The following THBS4 variants were observed in gnomAD, a reference collection of about 807,000 sequenced individuals.
The protein encoded by THBS4 is thrombospondin-4.
A neutral mutation model predicts 115.7 loss-of-function variants in THBS4; 90 were observed. The ratio of observed to expected loss-of-function variants is 0.78; its 90% CI spans 0.66 to 0.93. THBS4 has a LOEUF of 0.93. Among genes scored for constraint, THBS4 ranks in the 40% least tolerant of loss-of-function variants. The pLI is 0.00. For synonymous variants in THBS4, 460 were observed against 479.3 expected (o/e 0.96, Z 0.53); for missense variants, 1,087 against 1,232.7 (o/e 0.88, Z 1.77).
chr5:80,054,289 G>T (rs1332625975), intron 2 of THBS4, among the ~76,000 whole-genome samples: 1 of 148,438 alleles, frequency 6.7e-6, no homozygotes, highest in African/African-American at 2.5e-5. Context: ...AAGTAGCTGG[G>T]ACTACAAGTA....
chr5:80,044,778 A>G (rs1233295433), intron 2 of THBS4, among the ~76,000 whole-genome samples: 1 of 151,970 alleles, frequency 6.6e-6, no homozygotes, highest in Non-Finnish European at 1.5e-5. Flanking sequence ...TTGGAATAGG[A>G]TGTAAGAGGA....
chr5:80,072,955 A>G (rs1834123648), intron 14 of THBS4, among the ~76,000 whole-genome samples: 1 of 152,154 alleles, frequency 6.6e-6, no homozygotes, highest in African/African-American at 2.4e-5. Context: ...CCTTCTCCCC[A>G]TGCCTATGGC....
At chr5:80,073,244 G>A (rs933435681) in intron 14 of THBS4, 31 bp from the exon 15 acceptor site, 6 of 1,611,408 alleles carry the variant, frequency 3.7e-6, no homozygotes, top group Non-Finnish European at 4.2e-6. Context: ...GCAGGCCCAG[G>A]AATAAATAAC....
rs1357645628 is a variant in THBS4 at position 80,076,969 on chromosome 5, T to C, written c.2007T>C (p.Asn669=). The C allele has an allele frequency of 6.2e-7, 1 of 1,613,682 alleles. No individual in the cohort carries two copies. The highest frequency in any genetic ancestry group is 1.1e-5 in the South Asian group (1 of 91,022). Reference sequence around the variant, plus strand: ...ACGAGTGTGATGATGATGATGACAATGATGGTATCCCAGACCTGGTGCCCC... The same window carrying C: ...ACGAGTGTGATGATGATGATGACAACGATGGTATCCCAGACCTGGTGCCCC... ...IGDECDDDDD[N]DGIPDLVPPG... Residue 669 remains asparagine, a synonymous_variant, in exon 16 of 22, where the codon AAT becomes AAC. Transcript: ENST00000350881.
intron 2 of THBS4, among the ~76,000 whole-genome samples, chr5:80,012,042 A>C (rs1424873227): frequency 6.6e-6 from 1 of 152,136 alleles, no homozygotes; most frequent in Non-Finnish European, 1.5e-5. Flanking sequence ...CCTGAATGAC[A>C]GAATATTCTG....
chr5:80,063,403 TTA>T (rs987890461), intron 8 of THBS4, among the ~76,000 whole-genome samples: 6 of 152,268 alleles, frequency 3.9e-5, no homozygotes, highest in African/African-American at 1.4e-4. Flanking sequence ...ATAAATTTGT[TTA>T]AGTTAAGTTC....
upstream of THBS4, chr5:80,033,281 G>T (rs1832620479): frequency 1.1e-5 from 4 of 350,162 alleles, no homozygotes; most frequent in Admixed American, 1.3e-4. Flanking sequence ...ACCTCCAGCA[G>T]CACGTGGTGC....
At chr5:80,043,594 G>A (rs1418764745) in intron 2 of THBS4, among the ~76,000 whole-genome samples, 2 of 152,132 alleles carry the variant, frequency 1.3e-5, no homozygotes, top group African/African-American at 4.8e-5. Flanking sequence ...TTAAAGTCCA[G>A]GACTGGGAGA....
At chr5:80,024,966 A>C (rs1045038612) in intron 2 of THBS4, among the ~76,000 whole-genome samples, 8 of 152,150 alleles carry the variant, frequency 5.3e-5, no homozygotes, top group African/African-American at 1.7e-4. Context: ...AGGTTGTTCA[A>C]TCTCCCTGAC....
chr5:80,000,874 A>G (rs1831885110), intron 2 of THBS4, among the ~76,000 whole-genome samples: 1 of 152,182 alleles, frequency 6.6e-6, no homozygotes, highest in Admixed American at 6.5e-5. Context: ...CCTGAGGCCA[A>G]AGAAAACATT....
intron 2 of THBS4, among the ~76,000 whole-genome samples, chr5:80,010,641 G>C (rs1832105427): frequency 6.6e-6 from 1 of 152,230 alleles, no homozygotes; most frequent in Non-Finnish European, 1.5e-5. Flanking sequence ...TTAGTGTACA[G>C]GAAGTTCACT....
intron 2 of THBS4, among the ~76,000 whole-genome samples, chr5:80,042,164 C>T (rs1344277425): frequency 1.3e-5 from 2 of 152,162 alleles, no homozygotes; most frequent in Admixed American, 6.5e-5. Context: ...ATGGGTCAAC[C>T]GTTCCTGTCC....
chr5:80,035,585 G>A lies in THBS4; in HGVS notation c.48G>A (p.Leu16=). The A allele has an allele frequency of 1.4e-6, 2 of 1,440,576 alleles. No individual in the cohort carries two copies. Among genetic ancestry groups the A allele is most frequent in the Non-Finnish European group, 1.8e-6 (2 of 1,095,730 alleles). 89.2% of individuals were successfully genotyped at this position (1,440,576 alleles called of 1,614,324 possible). The change falls in exon 1 of 22, where the codon CTG becomes CTA. Residue 16 remains leucine (L), a synonymous_variant. Coordinates refer to ENST00000350881, the MANE Select transcript of THBS4 (RefSeq NM_003248.6). This position sits in a 1 kb window ranked among gnomAD's most constrained non-coding sequence, Gnocchi z 4.6. The part of the protein sequence containing the change: ...GAAVLLLHLV[L]QRWLAAGAQA... ...CCGTCCTCCTGCTGCACCTGGTCCTGCAGCGGTGGCTAGCGGCAGGCGCCC... is the reference window on the plus strand; with the variant it reads ...CCGTCCTCCTGCTGCACCTGGTCCTACAGCGGTGGCTAGCGGCAGGCGCCC...
At chr5:80,079,798 G>A in intron 19 of THBS4, 107 bp from the exon 20 acceptor site, 2 of 1,221,358 alleles carry the variant, frequency 1.6e-6, no homozygotes, top group Non-Finnish European at 1.2e-6. Context: ...ATCCAAGGCA[G>A]CCGGATTATA....
chr5:80,041,467 GC>G (rs1363030227), intron 2 of THBS4, among the ~76,000 whole-genome samples: 1 of 152,140 alleles, frequency 6.6e-6, no homozygotes, highest in Non-Finnish European at 1.5e-5. Context: ...TCCCTTTGAA[GC>G]CAGTGCTCAG....
intron 19 of THBS4, among the ~76,000 whole-genome samples, chr5:80,079,547 G>C (rs1743387009): frequency 6.6e-6 from 1 of 152,120 alleles, no homozygotes; most frequent in East Asian, 1.9e-4. Context: ...AAATTTCATC[G>C]ATAGGTCCAA....
At chr5:79,996,936 C>G (rs1831805208) in intron 1 of THBS4, among the ~76,000 whole-genome samples, 1 of 151,866 alleles carries the variant, frequency 6.6e-6, no homozygotes, top group African/African-American at 2.4e-5. Context: ...TACCAATAGA[C>G]TGTGATGTTA....
At chr5:80,052,956 G>A (rs1461861356) in intron 2 of THBS4, 4 of 152,182 alleles carry the variant, frequency 2.6e-5, no homozygotes, top group African/African-American at 9.7e-5. Flanking sequence ...ATTAACAGCA[G>A]CACAGTCTGG....
intron 2 of THBS4, among the ~76,000 whole-genome samples, chr5:80,023,622 G>A (rs1221582559): frequency 6.6e-6 from 1 of 152,170 alleles, no homozygotes; most frequent in East Asian, 1.9e-4. Flanking sequence ...AATTTATTTA[G>A]TGTTGCTGTA....
Sources: gnomAD v4.1 joint callset for allele counts (sites outside exome capture counted in the v4.1 genomes callset) on GRCh38, gnomAD v4.1.1 for gene constraint, Gnocchi (gnomAD v3.1) non-coding constraint, MANE v1.5 for transcripts, NCBI Gene and HGNC (gene_info 2026-07-23, HGNC 2026-07-21) for gene names.